The following ZSCAN5A variants were observed in gnomAD, a reference collection of about 807,000 sequenced individuals.
ZSCAN5A encodes the protein zinc finger and SCAN domain containing 5A.
A neutral mutation model predicts 23.7 loss-of-function variants in ZSCAN5A; 12 were observed. That is an observed-to-expected ratio of 0.51 (90% CI 0.32 to 0.82). The LOEUF (loss-of-function observed/expected upper bound fraction) is 0.82. ZSCAN5A is among the 40% of genes least tolerant of loss of function. The pLI is 0.03. For missense variants in ZSCAN5A, 597 were observed against 617.9 expected (o/e 0.97, Z 0.36); for synonymous variants, 257 against 239.9 (o/e 1.07, Z -0.66).
chr19:56,241,842 T>C (rs2035449289), intron 2 of ZSCAN5A, among the ~76,000 whole-genome samples: 1 of 152,210 alleles, frequency 6.6e-6, no homozygotes, highest in Non-Finnish European at 1.5e-5. Flanking sequence ...TTTTAAATGA[T>C]TTTAACTTGT....
chr19:56,270,870 G>A (rs967617246), intron 2 of ZSCAN5A, among the ~76,000 whole-genome samples: 3 of 152,164 alleles, frequency 2.0e-5, no homozygotes, highest in African/African-American at 7.2e-5. Context: ...AAACGATCTA[G>A]TCCTAAATGT....
rs2033225395 is a variant in ZSCAN5A, at chr19:56,221,890, G to A, written c.1176C>T (p.Arg392=). The A allele has an allele frequency of 6.2e-7, 1 of 1,614,192 alleles. No homozygotes were observed. The highest frequency in any genetic ancestry group is 8.5e-7 in the Non-Finnish European group (1 of 1,180,032). ...RLFQCNLCGK[R]FMQLISLQFH... Reference sequence around the variant, plus strand: ...ATTGGAGGCTAATAAGCTGCATGAAGCGCTTCCCACAGAGATTACATTGAA... The same window carrying A: ...ATTGGAGGCTAATAAGCTGCATGAAACGCTTCCCACAGAGATTACATTGAA... The change falls in exon 6 of 6, where the codon CGC becomes CGT. Residue 392 remains arginine, a synonymous_variant. Coordinates refer to ENST00000683990, the MANE Select transcript of ZSCAN5A (RefSeq NM_001322064.3).
rs779821686 is a variant in ZSCAN5A, at chr19:56,352,002, C to G, written c.-358+11233G>C. Reference sequence around the variant, plus strand: ...CAAAGTCAGGTAGGGAAGTGGGACCCGAAACTCAGGAAGGGATGCGGTGAA... The same window carrying G: ...CAAAGTCAGGTAGGGAAGTGGGACCGGAAACTCAGGAAGGGATGCGGTGAA... On this transcript the variant is annotated intron_variant, in intron 2 of 6. Transcript: ENST00000587340. This position sits in a 1 kb window ranked among gnomAD's most constrained non-coding sequence, Gnocchi z 4.2. Among the ~76,000 whole-genome samples, 2 of 152,120 alleles carry G rather than the reference C, an allele frequency of 1.3e-5. No individual in the cohort carries two copies.
intron 2 of ZSCAN5A, among the ~76,000 whole-genome samples, chr19:56,301,198 A>C (rs925681376): frequency 6.6e-6 from 1 of 152,256 alleles, no homozygotes; most frequent in Non-Finnish European, 1.5e-5. Context: ...GCTACTCCAT[A>C]GGCAGAGCAG....
At chr19:56,261,498 GA>G (rs2037126969) in intron 2 of ZSCAN5A, among the ~76,000 whole-genome samples, 1 of 152,176 alleles carries the variant, frequency 6.6e-6, no homozygotes, top group South Asian at 2.1e-4. Flanking sequence ...TCTTTAGAGA[GA>G]ACCCTGTTAT....
At chr19:56,287,438 C>T (rs2039209107) in intron 2 of ZSCAN5A, among the ~76,000 whole-genome samples, 1 of 152,210 alleles carries the variant, frequency 6.6e-6, no homozygotes, top group Non-Finnish European at 1.5e-5. Flanking sequence ...TGCGGAGCTA[C>T]ACAGTCTTCT....
At chr19:56,360,165 C>T (rs2041725888) in intron 2 of ZSCAN5A, among the ~76,000 whole-genome samples, 1 of 152,112 alleles carries the variant, frequency 6.6e-6, no homozygotes, top group African/African-American at 2.4e-5. Context: ...GATGCTGTAT[C>T]TAGAAAACCC....
chr19:56,320,721 A>G, intron 2 of ZSCAN5A: 1 of 1,193,240 alleles, frequency 8.4e-7, no homozygotes. Flanking sequence ...GCTTCAATAT[A>G]TGGAAATTCT....
At chr19:56,366,422 C>CAA (rs34420866) in intron 1 of ZSCAN5A, among the ~76,000 whole-genome samples, 960 of 82,844 alleles carry the variant, frequency 0.012, 29 homozygotes, top group African/African-American at 0.03. Flanking sequence ...GACTCTGTCT[C>CAA]AAAAAAAAAA....
chr19:56,228,481 T>A, intron 2 of ZSCAN5A: 1 of 970,390 alleles, frequency 1.0e-6, no homozygotes, highest in Non-Finnish European at 1.2e-6. Flanking sequence ...TAAACATGCC[T>A]ACTGTGCAAA....
At chr19:56,267,355 G>A (rs2037548964) in intron 2 of ZSCAN5A, among the ~76,000 whole-genome samples, 1 of 152,030 alleles carries the variant, frequency 6.6e-6, no homozygotes, top group African/African-American at 2.4e-5. Context: ...GGCTCTGTCA[G>A]AACTGTCATA....
At chr19:56,293,380 CAA>C (rs1182205081) in intron 2 of ZSCAN5A, among the ~76,000 whole-genome samples, 2 of 152,096 alleles carry the variant, frequency 1.3e-5, no homozygotes, top group African/African-American at 4.8e-5. Context: ...AATGCAAACT[CAA>C]AAGTGTTCAA....
At chr19:56,249,032 TCTGC>T (rs1280816836) in intron 2 of ZSCAN5A, among the ~76,000 whole-genome samples, 1 of 152,006 alleles carries the variant, frequency 6.6e-6, no homozygotes, top group Admixed American at 6.6e-5. Flanking sequence ...TCCTCTCTGC[TCTGC>T]CTATTTATCT....
chr19:56,322,571 T>C (rs531676324), intron 2 of ZSCAN5A, among the ~76,000 whole-genome samples: 28 of 152,248 alleles, frequency 1.8e-4, no homozygotes, highest in Non-Finnish European at 3.2e-4. Context: ...TGTTCATCTC[T>C]GTCTCTATCT....
rs1044770053 is a variant in ZSCAN5A, at chr19:56,353,802, A to AAAAT, written c.-358+9429_-358+9432dup. Among the ~76,000 whole-genome samples, 21 of 152,052 alleles carry AAAAT rather than the reference A, an allele frequency of 1.4e-4. No individual in the cohort carries two copies. In the East Asian group the frequency reaches 1.5e-3, roughly 11 times the overall value. Reference sequence around the variant, plus strand: ...GTCTCAAAAAATAAAAATAAAATAAAAAATAAATAAATAAATAAATAAAAT... The same window carrying AAAAT: ...GTCTCAAAAAATAAAAATAAAATAAAAAATAAATAAATAAATAAATAAATAAAAT... On this transcript the variant is annotated intron_variant, in intron 2 of 6. Coordinates refer to the ZSCAN5A transcript ENST00000587340.
At chr19:56,342,655 C>T (rs1319613898) in intron 2 of ZSCAN5A, 3 of 532,702 alleles carry the variant, frequency 5.6e-6, no homozygotes, top group African/African-American at 3.8e-5. Context: ...GGATCTTGAC[C>T]TCCTGCCAGT....
At chr19:56,232,432 C>T (rs1158806732) in intron 2 of ZSCAN5A, among the ~76,000 whole-genome samples, 2 of 151,982 alleles carry the variant, frequency 1.3e-5, no homozygotes, top group Non-Finnish European at 2.9e-5. Context: ...GTATTCCAAA[C>T]TTTATTAAAT....
Position 56,221,474 on chromosome 19 carries a change from G to A in ZSCAN5A, c.*101C>T. The A allele has an allele frequency of 7.0e-7, 1 of 1,421,710 alleles. No homozygotes were observed. The highest frequency in any genetic ancestry group is 9.5e-7 in the Non-Finnish European group (1 of 1,053,162). The allele number at this position is 1,421,710 out of a possible 1,614,324, so 88.1% of individuals were successfully genotyped here. Reference sequence around the variant, plus strand: ...TTCATATCTAGGGCACTCCCTCTGTGTGTCAGACGCCCTTGCATGTGTCAA... The same window carrying A: ...TTCATATCTAGGGCACTCCCTCTGTATGTCAGACGCCCTTGCATGTGTCAA... On this transcript the variant is annotated 3_prime_UTR_variant, in exon 6 of 6. Coordinates refer to ENST00000683990, the MANE Select transcript of ZSCAN5A (RefSeq NM_001322064.3).
At chr19:56,367,141 C>T (rs2041773796) in intron 1 of ZSCAN5A, 1 of 152,246 alleles carries the variant, frequency 6.6e-6, no homozygotes, top group East Asian at 1.9e-4. Flanking sequence ...GGGAGGATCG[C>T]TTGAGGCCAC....
Sources: gnomAD v4.1 joint callset for allele counts (sites outside exome capture counted in the v4.1 genomes callset) on GRCh38, gnomAD v4.1.1 for gene constraint, Gnocchi (gnomAD v3.1) non-coding constraint, MANE v1.5 for transcripts, NCBI Gene and HGNC (gene_info 2026-07-23, HGNC 2026-07-21) for gene names.